NOL7: variants seen among roughly 807,000 people sequenced by gnomAD.
The protein encoded by NOL7 is nucleolar protein 7, also known as U3 small nucleolar RNA-associated protein NOL7.
In NOL7, 36 loss-of-function variants were observed where a neutral mutation model predicts 38.4. The observed-to-expected ratio is 0.94, with a 90% confidence interval of 0.72 to 1.24. NOL7 has a LOEUF of 1.24. NOL7 is among the 50% of genes most tolerant of loss of function. The pLI is 0.00. For synonymous variants in NOL7, 142 were observed against 126.5 expected (o/e 1.12, Z -0.82); for missense variants, 350 against 315.1 (o/e 1.11, Z -0.84).
chr6:13,616,355 T>A, intron 2 of NOL7, 108 bp from the exon 3 acceptor site: 1 of 699,332 alleles, frequency 1.4e-6, no homozygotes, highest in Non-Finnish European at 2.4e-6. Flanking sequence ...CCTAATTCAT[T>A]TCTTTGCCTA....
intron 5 of NOL7, among the ~76,000 whole-genome samples, chr6:13,619,960 G>C (rs1252357199): frequency 6.6e-6 from 1 of 152,124 alleles, no homozygotes; most frequent in South Asian, 2.1e-4. Flanking sequence ...TTCGAGACCA[G>C]CCTGGCCAAC....
At position 13,615,589 on chromosome 6, in the gene NOL7, A is replaced by G. The variant is rs756718078; in HGVS notation, c.231A>G (p.Arg77=). Reference sequence around the variant, plus strand: ...TCGCCAGCGCCCAGGCGGAAGCGAGAGAAGAGGAGCGGCGAGTGCGGGAGA... The same window carrying G: ...TCGCCAGCGCCCAGGCGGAAGCGAGGGAAGAGGAGCGGCGAGTGCGGGAGA... ...LTFASAQAEA[R]EEERRVRETV... is the part of the protein sequence containing the mutation. Residue 77 remains arginine (R), a synonymous_variant, in exon 1 of 8, where the codon AGA becomes AGG. Transcript: ENST00000451315. 1.6e-5 allele frequency: 26 copies of G among 1,582,046 alleles called. No individual in the cohort carries two copies. The South Asian group carries it at 2.7e-4, about 17-fold the overall frequency.
downstream of NOL7, chr6:13,622,482 A>G (rs767392248): frequency 1.9e-6 from 3 of 1,570,974 alleles, no homozygotes; most frequent in Non-Finnish European, 2.6e-6. Context: ...GCTTTGGCAG[A>G]TTGTGGGTTT....
At chr6:13,617,843 A>C (rs1217246684) in intron 4 of NOL7, 42 bp downstream of exon 4, 1 of 1,561,854 alleles carries the variant, frequency 6.4e-7, no homozygotes, top group South Asian at 1.1e-5. Context: ...TGTAAGTGTC[A>C]AGTGCACTTG....
At chr6:13,624,392 G>C (rs1764542423), downstream of NOL7, among the ~76,000 whole-genome samples, 1 of 152,046 alleles carries the variant, frequency 6.6e-6, no homozygotes, top group Admixed American at 6.6e-5. Context: ...AAACTAGTTT[G>C]AAATATGTGA....
chr6:13,622,335 A>AT (rs754721701), downstream of NOL7: 15 of 1,514,308 alleles, frequency 9.9e-6, no homozygotes, highest in African/African-American at 2.0e-4. Context: ...ATGCCACAAT[A>AT]TAAGTGTGAG....
chr6:13,615,909 A>T, intron 2 of NOL7, 137 bp downstream of exon 2: 2 of 919,378 alleles, frequency 2.2e-6, no homozygotes, highest in Non-Finnish European at 3.2e-6. Flanking sequence ...TGGTGGAAAG[A>T]TGCTCGGGCC....
intron 2 of NOL7, among the ~76,000 whole-genome samples, chr6:13,616,025 G>T (rs1325126926): frequency 6.6e-6 from 1 of 152,096 alleles, no homozygotes; most frequent in East Asian, 1.9e-4. Context: ...GACAGAGCGA[G>T]ACCCTGTCTC....
chr6:13,616,915 C>T (rs1028853402), intron 3 of NOL7, among the ~76,000 whole-genome samples: 1 of 152,188 alleles, frequency 6.6e-6, no homozygotes, highest in Non-Finnish European at 1.5e-5. Flanking sequence ...CCAACCTGTC[C>T]TTCCTGTTCC....
At position 13,620,439 on chromosome 6, in the gene NOL7, G is replaced by T; in HGVS notation, c.654G>T (p.Arg218Ser). The T allele has an allele frequency of 1.2e-6, 2 of 1,614,102 alleles. No individual in the cohort carries two copies. Among genetic ancestry groups the T allele is most frequent in the Non-Finnish European group, 1.7e-6 (2 of 1,179,986 alleles). The change falls in exon 7 of 8, where the codon AGG becomes AGT. Residue 218 changes from arginine (R) to serine (S), a missense_variant. Coordinates refer to ENST00000451315, the MANE Select transcript of NOL7 (RefSeq NM_016167.5). ...VNKFLSLANKRLPVKRAAVQF... is the reference protein window; with the variant it reads ...VNKFLSLANKSLPVKRAAVQF... The stretch of plus-strand genomic sequence containing the variant: ...AGTTCCTGTCTCTTGCCAACAAGAG[G>T]TTACCAGTGAAAAGAGCTGCTGTCC...
intron 8 of NOL7, among the ~76,000 whole-genome samples, chr6:13,628,806 A>G (rs562332277): frequency 4.6e-5 from 7 of 152,354 alleles, no homozygotes; most frequent in Admixed American, 2.0e-4. Context: ...AGATACTAAC[A>G]TATGTTAAAC....
downstream of NOL7, among the ~76,000 whole-genome samples, chr6:13,623,651 C>CT (rs1457588005): frequency 1.3e-5 from 2 of 152,210 alleles, no homozygotes; most frequent in East Asian, 1.9e-4. Flanking sequence ...GGCGATGCAT[C>CT]TTTAACTTTT....
chr6:13,630,802 TAC>T (rs1035758462), intron 8 of NOL7, among the ~76,000 whole-genome samples: 2 of 151,738 alleles, frequency 1.3e-5, no homozygotes, highest in African/African-American at 4.8e-5. Flanking sequence ...TAAAGAGACT[TAC>T]AAAAAAATAT....
downstream of NOL7, chr6:13,622,179 T>C (rs771898538): frequency 6.7e-5 from 34 of 504,948 alleles, no homozygotes; most frequent in Non-Finnish European, 1.0e-4. Flanking sequence ...TGGAAAATAA[T>C]TTCTCCTAAC....
intron 8 of NOL7, among the ~76,000 whole-genome samples, chr6:13,630,121 T>C (rs937556056): frequency 1.3e-5 from 2 of 152,188 alleles, no homozygotes; most frequent in African/African-American, 4.8e-5. Context: ...GTTCTTTGGC[T>C]ACTTATATAT....
intron 8 of NOL7, among the ~76,000 whole-genome samples, chr6:13,631,411 C>A (rs1365083019): frequency 6.6e-6 from 1 of 152,204 alleles, no homozygotes; most frequent in African/African-American, 2.4e-5. Flanking sequence ...TAAAACATTA[C>A]TAATTGAGCA....
At position 13,620,758 on chromosome 6, in the gene NOL7, C is replaced by T; in HGVS notation, c.705C>T (p.Ile235=). The T allele has an allele frequency of 6.3e-7, 1 of 1,588,590 alleles. No homozygotes were observed. Among genetic ancestry groups the T allele is most frequent in the Non-Finnish European group, 8.6e-7 (1 of 1,168,298 alleles). Residue 235 remains isoleucine (I), a synonymous_variant, in exon 8 of 8, where the codon ATC becomes ATT. Coordinates refer to ENST00000451315, the MANE Select transcript of NOL7 (RefSeq NM_016167.5). ...GCAGAAAACTTTATATTCTAGGAAT[C>T]CAAAAAAAACAAAATGCCAAGAGGT... ...AVQFLNNAWG[I]QKKQNAKRFK... is the part of the protein sequence containing the mutation.
chr6:13,619,236 T>A (rs1764372177), intron 5 of NOL7, among the ~76,000 whole-genome samples: 1 of 152,162 alleles, frequency 6.6e-6, no homozygotes, highest in Non-Finnish European at 1.5e-5. Context: ...TCAAAAGGAG[T>A]CATTTTTCAC....
At chr6:13,619,724 A>G (rs1764385097) in intron 5 of NOL7, among the ~76,000 whole-genome samples, 1 of 152,246 alleles carries the variant, frequency 6.6e-6, no homozygotes, top group Non-Finnish European at 1.5e-5. Flanking sequence ...TGTTCAACTG[A>G]TGAACAAAAC....
Sources: gnomAD v4.1 joint callset for allele counts (sites outside exome capture counted in the v4.1 genomes callset) on GRCh38, gnomAD v4.1.1 for gene constraint, MANE v1.5 for transcripts, NCBI Gene and HGNC (gene_info 2026-07-23, HGNC 2026-07-21) for gene names.